The following FMNL3 variants were observed in gnomAD, a reference collection of about 807,000 sequenced individuals.
FMNL3 encodes the protein formin like 3.
FMNL3 carries 57 observed loss-of-function variants against 119.6 expected under a neutral mutation model. The observed-to-expected ratio is 0.48, with a 90% confidence interval of 0.39 to 0.59. FMNL3 has a LOEUF of 0.59. Ranked by LOEUF, FMNL3 falls within the 20% of genes least tolerant of loss-of-function variation. The pLI, the probability that FMNL3 is intolerant of heterozygous loss-of-function variation, is 0.00. For missense variants in FMNL3, 1,053 were observed against 1,323.5 expected, an observed-to-expected ratio of 0.80 and a Z score of 3.17; for synonymous variants, 491 against 507.3, an observed-to-expected ratio of 0.97 and a Z score of 0.43.
intron 12 of FMNL3, 54 bp from the exon 13 acceptor site, chr12:49,653,381 C>A (rs1444603204): frequency 1.9e-6 from 3 of 1,577,684 alleles, no homozygotes; most frequent in Non-Finnish European, 2.6e-6. Flanking sequence ...GGGCACTCAG[C>A]ACAGCCTGAA....
intron 4 of FMNL3, among the ~76,000 whole-genome samples, chr12:49,665,221 G>A (rs1241859683): frequency 6.7e-6 from 1 of 149,696 alleles, no homozygotes; most frequent in Non-Finnish European, 1.5e-5. Context: ...TTCCCACTCA[G>A]GGACTGGAAA....
chr12:49,682,547 A>C (rs913717780), intron 1 of FMNL3, among the ~76,000 whole-genome samples: 4 of 151,882 alleles, frequency 2.6e-5, no homozygotes, highest in Admixed American at 2.6e-4. Flanking sequence ...AGGTCTTGCT[A>C]TGTTGCCCAG....
chr12:49,661,991 G>C lies in FMNL3; in HGVS notation c.427C>G (p.Leu143Val). 1.2e-6 allele frequency: 2 copies of C among 1,614,196 alleles called. No individual in the cohort carries two copies. Among genetic ancestry groups the C allele is most frequent in the Non-Finnish European group, 1.7e-6 (2 of 1,180,036 alleles). The stretch of plus-strand genomic sequence containing the variant: ...ATGACAGAACACTGGGCAAAGGACA[G>C]GTAATCCACCAGTACATCCAGGCCT... ...NKGLDVLVDY[L>V]SFAQCSVMFD... is the part of the protein sequence containing the mutation. Residue 143 changes from leucine (L) to valine (V), a missense_variant, in exon 5 of 26, where the codon CTG becomes GTG. This residue lies in a region of FMNL3 where 264 missense variants were observed against 265.5 expected (regional missense o/e 0.99). Transcript: ENST00000335154.
chr12:49,651,353 G>C (rs1565868235), intron 15 of FMNL3, 29 bp downstream of exon 15: 1 of 1,589,726 alleles, frequency 6.3e-7, no homozygotes, highest in Non-Finnish European at 8.6e-7. Context: ...GGTCCCACCA[G>C]CCCTGCCCAG....
At chr12:49,698,039 T>C (rs1436796007) in intron 1 of FMNL3, among the ~76,000 whole-genome samples, 1 of 152,160 alleles carries the variant, frequency 6.6e-6, no homozygotes, top group Admixed American at 6.5e-5. Context: ...CTCTAAGCTA[T>C]AGGTAGTTTT....
intron 6 of FMNL3, 58 bp downstream of exon 6, chr12:49,658,384 G>C: frequency 6.5e-7 from 1 of 1,527,856 alleles, no homozygotes; most frequent in Non-Finnish European, 8.8e-7. Flanking sequence ...TGCTGAACCC[G>C]AGACCTGCAC....
At chr12:49,706,128 A>G (rs1328388079) in intron 1 of FMNL3, among the ~76,000 whole-genome samples, 1 of 152,138 alleles carries the variant, frequency 6.6e-6, no homozygotes, top group African/African-American at 2.4e-5. Flanking sequence ...GCTCTGCAAA[A>G]CTTCATTTTC....
rs199986345 is a variant in FMNL3, at chr12:49,654,245, G to A, written c.1018C>T (p.Arg340Trp). Residue 340 changes from arginine (R) to tryptophan (W), a missense_variant, in exon 11 of 26, where the codon CGG becomes TGG. Arg to Trp is a moderately radical substitution (Grantham distance 101). Transcript: ENST00000335154. ...GTAAACTCATACTGCAGGTGGACCC[G>A]GAAGTTCATGTCCTCCACCGAGTGC... ...VVHSVEDMNF[R>W]VHLQYEFTKL... 1.9e-6 allele frequency: 3 copies of A among 1,613,964 alleles called. No homozygotes were observed. The highest frequency in any genetic ancestry group is 1.7e-5 in the Admixed American group (1 of 59,984).
intron 1 of FMNL3, among the ~76,000 whole-genome samples, chr12:49,682,217 G>A (rs936449840): frequency 6.6e-6 from 1 of 151,820 alleles, no homozygotes; most frequent in Non-Finnish European, 1.5e-5. Flanking sequence ...ACTACAGGCG[G>A]CCACCACCAC....
intron 8 of FMNL3, 121 bp downstream of exon 8, chr12:49,656,702 G>A (rs1727777539): frequency 1.8e-5 from 19 of 1,035,300 alleles, no homozygotes; most frequent in Non-Finnish European, 2.8e-5. Flanking sequence ...GCAGAGGAGG[G>A]GGCCAAACCA....
chr12:49,690,057 T>C (rs1189016841), intron 1 of FMNL3, among the ~76,000 whole-genome samples: 1 of 152,244 alleles, frequency 6.6e-6, no homozygotes, highest in African/African-American at 2.4e-5. Context: ...ATGATCTCAC[T>C]TGGTCTTCAC....
rs764393407 is a variant in FMNL3, at chr12:49,648,368, C to T, written c.2516-15G>A. ...CTCCAGGGACACTGGTCACCAAAAG[C>T]CTGGCTGAGGAATGCCTAGGGCCTG... On this transcript the variant is annotated splice_polypyrimidine_tract_variant and intron_variant, in intron 21 of 25. Coordinates refer to ENST00000335154, the MANE Select transcript of FMNL3 (RefSeq NM_175736.5). 6.2e-7 allele frequency: 1 copy of T among 1,605,514 alleles called. No homozygotes were observed. Among genetic ancestry groups the T allele is most frequent in the Admixed American group, 1.7e-5 (1 of 59,392 alleles).
chr12:49,661,010 T>C (rs73305081), intron 5 of FMNL3, among the ~76,000 whole-genome samples: 2,968 of 152,248 alleles, frequency 0.019, 100 homozygotes, highest in African/African-American at 0.067. Context: ...ATGGAGGAGT[T>C]TCCTGGGACG....
chr12:49,637,732 G>T lies in FMNL3; in HGVS notation c.*8083C>A. 7.1e-7 allele frequency: 1 copy of T among 1,406,742 alleles called. No homozygotes were observed. Among genetic ancestry groups the T allele is most frequent in the Non-Finnish European group, 9.8e-7 (1 of 1,020,372 alleles). 87.1% of individuals were successfully genotyped at this position (1,406,742 alleles called of 1,614,324 possible). On this transcript the variant is annotated 3_prime_UTR_variant, in exon 26 of 26. Coordinates refer to ENST00000335154, the MANE Select transcript of FMNL3 (RefSeq NM_175736.5). ...AGGCCCCCCTCCCTCCCTCCTTACA[G>T]GCTCCACCCCTCTGGACTTATTCAA...
At chr12:49,658,390 T>C in intron 6 of FMNL3, 52 bp downstream of exon 6, 1 of 1,533,138 alleles carries the variant, frequency 6.5e-7, no homozygotes, top group Non-Finnish European at 8.8e-7. Context: ...ACCCGAGACC[T>C]GCACTGAAGG....
At chr12:49,668,268 T>C (rs1016522731) in intron 2 of FMNL3, among the ~76,000 whole-genome samples, 3 of 152,228 alleles carry the variant, frequency 2.0e-5, no homozygotes, top group African/African-American at 4.8e-5. Context: ...CAGCTCTTTG[T>C]GGGAGCTAGA....
intron 17 of FMNL3, 137 bp downstream of exon 17, chr12:49,650,539 G>A: frequency 1.0e-6 from 1 of 976,400 alleles, no homozygotes; most frequent in Non-Finnish European, 1.5e-6. Flanking sequence ...GTAAATTCTA[G>A]CCAAGCCAGT....
At position 49,653,799 on chromosome 12, in the gene FMNL3, C is replaced by A; in HGVS notation, c.1147G>T (p.Gly383Cys). Residue 383 changes from glycine (G) to cysteine (C), a missense_variant, in exon 12 of 26, where the codon GGT becomes TGT. By Grantham distance (159) the Gly-to-Cys change is radical. This residue lies in a region of FMNL3 where 445 missense variants were observed against 628.4 expected (regional missense o/e 0.71). Coordinates refer to ENST00000335154, the MANE Select transcript of FMNL3 (RefSeq NM_175736.5). ...AYLDNVFDVG[G>C]LLEDAETKNV... ...TTGGTCTCAGCATCCTCCAACAAAC[C>A]CCCGACATCAAACACGTTGTCCAGA... The A allele has an allele frequency of 6.2e-7, 1 of 1,614,210 alleles. No individual in the cohort carries two copies. The highest frequency in any genetic ancestry group is 8.5e-7 in the Non-Finnish European group (1 of 1,180,044).
intron 1 of FMNL3, among the ~76,000 whole-genome samples, chr12:49,697,568 G>T (rs1944784512): frequency 6.6e-6 from 1 of 152,156 alleles, no homozygotes; most frequent in African/African-American, 2.4e-5. Context: ...CTCCCAGTCA[G>T]TATGATAATC....
Sources: gnomAD v4.1 joint callset for allele counts (sites outside exome capture counted in the v4.1 genomes callset) on GRCh38, gnomAD v4.1.1 for gene constraint, gnomAD v4.1.1 regional missense constraint, MANE v1.5 for transcripts, NCBI Gene and HGNC (gene_info 2026-07-23, HGNC 2026-07-21) for gene names.